Variants in DENND1A observed in about 807,000 individuals in gnomAD.
DENND1A encodes the protein DENN domain containing 1A, also known as DENN domain-containing protein 1A.
DENND1A carries 51 observed loss-of-function variants against 113.7 expected under a neutral mutation model. The ratio of observed to expected loss-of-function variants is 0.45; its 90% CI spans 0.36 to 0.57. The LOEUF (loss-of-function observed/expected upper bound fraction) is 0.57, where lower values mean the gene tolerates loss of function less well. Among genes scored for constraint, DENND1A ranks in the 20% least tolerant of loss-of-function variants. The probability of loss-of-function intolerance (pLI) is 0.00; values close to 1 mark genes in which losing one functional copy is unlikely to be tolerated. For synonymous variants in DENND1A, 565 were observed against 570.8 expected (o/e 0.99, Z 0.14); for missense variants, 1,258 against 1,395.9 (o/e 0.90, Z 1.57).
At chr9:123,875,236 T>C (rs968016462) in intron 2 of DENND1A, among the ~76,000 whole-genome samples, 2 of 152,006 alleles carry the variant, frequency 1.3e-5, no homozygotes, top group Non-Finnish European at 2.9e-5. Flanking sequence ...AACAAAGAGA[T>C]GATTATCATA....
intron 13 of DENND1A, among the ~76,000 whole-genome samples, chr9:123,534,559 T>C (rs962314894): frequency 6.6e-6 from 1 of 152,208 alleles, no homozygotes; most frequent in Non-Finnish European, 1.5e-5. Context: ...TGCCAAATTG[T>C]TTTCCAAAAT....
At chr9:123,444,526 C>T (rs764049443) in intron 18 of DENND1A, among the ~76,000 whole-genome samples, 7 of 152,082 alleles carry the variant, frequency 4.6e-5, no homozygotes, top group South Asian at 2.1e-4. Context: ...TGGTGGCGGA[C>T]GCCTGTAATC....
At chr9:123,440,926 A>G (rs1427185621) in intron 18 of DENND1A, among the ~76,000 whole-genome samples, 1 of 152,226 alleles carries the variant, frequency 6.6e-6, no homozygotes, top group Non-Finnish European at 1.5e-5. Flanking sequence ...TACTGAATGC[A>G]TATTTCATTG....
chr9:123,394,008 T>TC (rs942108306), intron 21 of DENND1A, among the ~76,000 whole-genome samples: 1 of 151,260 alleles, frequency 6.6e-6, no homozygotes, highest in African/African-American at 2.4e-5. Context: ...TTTTTTTTTT[T>TC]TGAGACGGAG....
chr9:123,546,951 T>C (rs971933595), intron 13 of DENND1A, among the ~76,000 whole-genome samples: 4 of 152,244 alleles, frequency 2.6e-5, no homozygotes, highest in Non-Finnish European at 5.9e-5. Context: ...TTGATCATAG[T>C]GTTTAAGTGG....
intron 21 of DENND1A, among the ~76,000 whole-genome samples, chr9:123,398,467 C>T (rs993015363): frequency 1.7e-4 from 26 of 150,978 alleles, no homozygotes; most frequent in Non-Finnish European, 3.3e-4. Context: ...CTCCACCTCC[C>T]GGGTTCACGC....
At chr9:123,848,813 A>G (rs1842964320) in intron 2 of DENND1A, among the ~76,000 whole-genome samples, 1 of 152,212 alleles carries the variant, frequency 6.6e-6, no homozygotes. Flanking sequence ...AAACAGCCTG[A>G]TTGCTGATAC....
chr9:123,453,521 G>T (rs1362962008), intron 16 of DENND1A, among the ~76,000 whole-genome samples: 1 of 152,186 alleles, frequency 6.6e-6, no homozygotes, highest in Non-Finnish European at 1.5e-5. Context: ...GAGGCCAGAT[G>T]GGGCCAGCTC....
intron 2 of DENND1A, among the ~76,000 whole-genome samples, chr9:123,812,466 T>C (rs138918646): frequency 6.6e-6 from 1 of 152,062 alleles, no homozygotes; most frequent in Non-Finnish European, 1.5e-5. Context: ...ATTCTTGATA[T>C]GACACTTTGT....
chr9:123,757,670 G>C, intron 5 of DENND1A, 33 bp downstream of exon 5: 1 of 1,606,142 alleles, frequency 6.2e-7, no homozygotes, highest in Non-Finnish European at 8.5e-7. Flanking sequence ...TTGCTTCAGA[G>C]AACAAGCCAA....
chr9:123,812,183 AGTT>A (rs1836733862), intron 2 of DENND1A, among the ~76,000 whole-genome samples: 1 of 152,122 alleles, frequency 6.6e-6, no homozygotes, highest in Non-Finnish European at 1.5e-5. Flanking sequence ...GATAAAATAG[AGTT>A]GTTTTGTATT....
intron 23 of DENND1A, among the ~76,000 whole-genome samples, chr9:123,382,968 C>T (rs560360258): frequency 1.3e-5 from 2 of 152,234 alleles, no homozygotes; most frequent in African/African-American, 2.4e-5. Flanking sequence ...CCCGGGGGCG[C>T]GAGTGAGACT....
intron 1 of DENND1A, among the ~76,000 whole-genome samples, chr9:123,886,590 C>T (rs187749481): frequency 1.9e-3 from 292 of 152,330 alleles, no homozygotes; most frequent in African/African-American, 6.8e-3. Flanking sequence ...TCAGAACGCA[C>T]TAGCAAACAC....
intron 9 of DENND1A, among the ~76,000 whole-genome samples, chr9:123,647,196 G>A (rs562346332): frequency 2.0e-4 from 30 of 150,908 alleles, no homozygotes; most frequent in African/African-American, 7.3e-4. Context: ...AAGTATGTAT[G>A]TCATATAAAC....
At chr9:123,902,694 C>G (rs918206403) in intron 1 of DENND1A, among the ~76,000 whole-genome samples, 9 of 151,594 alleles carry the variant, frequency 5.9e-5, no homozygotes, top group Middle Eastern at 6.8e-3. Context: ...AAGAAATATG[C>G]TTCAGGAAAC....
At chr9:123,767,438 G>C (rs1345967443) in intron 4 of DENND1A, among the ~76,000 whole-genome samples, 1 of 151,924 alleles carries the variant, frequency 6.6e-6, no homozygotes, top group Non-Finnish European at 1.5e-5. Flanking sequence ...ATGATTAGGG[G>C]AACATAATTT....
At chr9:123,719,346 C>T (rs2141100578) in intron 5 of DENND1A, among the ~76,000 whole-genome samples, 1 of 152,336 alleles carries the variant, frequency 6.6e-6, no homozygotes, top group South Asian at 2.1e-4. Context: ...AAACCCTGTT[C>T]TGACACCTGA....
chr9:123,888,956 CTGTGTGTGTGTGTGTGTG>C (rs58270598), intron 1 of DENND1A, among the ~76,000 whole-genome samples: 145 of 131,176 alleles, frequency 1.1e-3, no homozygotes, highest in East Asian at 8.2e-3. Flanking sequence ...GTGCTTTAAA[CTGTGTGTGTGTGTGTGTG>C]TGTGTGTGTG....
At chr9:123,882,481 T>C (rs1400036698) in intron 1 of DENND1A, among the ~76,000 whole-genome samples, 1 of 152,034 alleles carries the variant, frequency 6.6e-6, no homozygotes, top group Non-Finnish European at 1.5e-5. Flanking sequence ...TATGCCACAG[T>C]CAACCAATCA....
Sources: gnomAD v4.1 joint callset for allele counts (sites outside exome capture counted in the v4.1 genomes callset) on GRCh38, gnomAD v4.1.1 for gene constraint, MANE v1.5 for transcripts, NCBI Gene and HGNC (gene_info 2026-07-23, HGNC 2026-07-21) for gene names.